The following ASPRV1 variants were observed in gnomAD, a reference collection of about 807,000 sequenced individuals.
ASPRV1 encodes the protein aspartic peptidase retroviral like 1.
A neutral mutation model predicts 11.0 loss-of-function variants in ASPRV1; 7 were observed. The observed-to-expected ratio is 0.64, with a 90% CI of 0.36 to 1.20. The LOEUF is 1.20. ASPRV1 is among the 50% of genes most tolerant of loss of function. The pLI is 0.02. For missense variants in ASPRV1, 299 were observed against 320.0 expected, an observed-to-expected ratio of 0.93 and a Z score of 0.50; for synonymous variants, 136 against 138.4, an observed-to-expected ratio of 0.98 and a Z score of 0.12.
chr2:69,967,249 C>G, the ASPRV1 span, among the ~76,000 whole-genome samples: 1 of 152,232 alleles, frequency 6.6e-6, no homozygotes, highest in African/African-American at 2.4e-5. Flanking sequence ...CAGACTCCAA[C>G]CTAGCTACTC....
At chr2:70,004,444 C>T in the ASPRV1 span, among the ~76,000 whole-genome samples, 2 of 149,336 alleles carry the variant, frequency 1.3e-5, no homozygotes, top group Admixed American at 6.8e-5. Flanking sequence ...GCAGGGGAAT[C>T]GCTTGAACCT....
chr2:70,068,231 C>G, the ASPRV1 span, among the ~76,000 whole-genome samples: 2 of 152,314 alleles, frequency 1.3e-5, no homozygotes, highest in East Asian at 3.9e-4. Context: ...TCCTGGCCAG[C>G]AGAAATTTCA....
chr2:70,013,922 T>C, the ASPRV1 span, among the ~76,000 whole-genome samples: 1,630 of 152,320 alleles, frequency 0.011, 30 homozygotes, highest in African/African-American at 0.037. Context: ...TATGTTCACA[T>C]GTAATGGATT....
chr2:70,048,214 G>T, the ASPRV1 span, among the ~76,000 whole-genome samples: 1 of 148,298 alleles, frequency 6.7e-6, no homozygotes, highest in Non-Finnish European at 1.5e-5. Context: ...AGGAGATCGA[G>T]ACCATCCTGG....
At chr2:69,996,450 T>A in the ASPRV1 span, among the ~76,000 whole-genome samples, 12 of 152,148 alleles carry the variant, frequency 7.9e-5, no homozygotes, top group Middle Eastern at 3.2e-3. Context: ...TCAGTCACAC[T>A]GGACACATCT....
At chr2:69,935,496 T>C in the ASPRV1 span, 1 of 1,451,428 alleles carries the variant, frequency 6.9e-7, no homozygotes, top group Non-Finnish European at 9.7e-7. Context: ...CTGCTTTATC[T>C]TTACCTGTTC....
chr2:69,982,036 T>TATCCATCCATCCATCC, the ASPRV1 span, among the ~76,000 whole-genome samples: 1 of 149,024 alleles, frequency 6.7e-6, no homozygotes, highest in African/African-American at 2.5e-5. Flanking sequence ...CCCTCTCATC[T>TATCCATCCATCCATCC]ATCCATCCAT....
the ASPRV1 span, among the ~76,000 whole-genome samples, chr2:70,011,144 C>CA: frequency 9.0e-4 from 135 of 150,770 alleles, no homozygotes; most frequent in African/African-American, 3.2e-3. Flanking sequence ...GGGAAAGGAG[C>CA]AAAAAAAATA....
At chr2:70,022,368 C>G in the ASPRV1 span, among the ~76,000 whole-genome samples, 1 of 110,080 alleles carries the variant, frequency 9.1e-6, no homozygotes, top group African/African-American at 4.8e-5. Flanking sequence ...CACTTACACA[C>G]ACACACACAC....
chr2:70,071,413 T>C, the ASPRV1 span, among the ~76,000 whole-genome samples: 6 of 152,196 alleles, frequency 3.9e-5, no homozygotes, highest in Admixed American at 2.0e-4. Context: ...ATGTGGAAGA[T>C]GTATTACATT....
chr2:70,044,279 G>A, the ASPRV1 span, among the ~76,000 whole-genome samples: 2 of 152,084 alleles, frequency 1.3e-5, no homozygotes, highest in East Asian at 1.9e-4. Flanking sequence ...GTTTTTGAGG[G>A]GCAGGACACA....
chr2:69,969,799 T>C, the ASPRV1 span, among the ~76,000 whole-genome samples: 2 of 152,150 alleles, frequency 1.3e-5, no homozygotes, highest in Non-Finnish European at 2.9e-5. Flanking sequence ...CCTGAAGCCT[T>C]GACCTCCCGG....
the ASPRV1 span, among the ~76,000 whole-genome samples, chr2:69,947,526 G>T: frequency 6.6e-6 from 1 of 152,208 alleles, no homozygotes; most frequent in East Asian, 1.9e-4. Context: ...TTTCCCCTTA[G>T]TCTCTTCTCT....
At chr2:69,985,682 C>G in the ASPRV1 span, among the ~76,000 whole-genome samples, 1 of 152,170 alleles carries the variant, frequency 6.6e-6, no homozygotes, top group Non-Finnish European at 1.5e-5. Context: ...GCATATGGGG[C>G]ACTGACTTCC....
the ASPRV1 span, among the ~76,000 whole-genome samples, chr2:70,026,388 A>C: frequency 1.3e-5 from 2 of 151,888 alleles, no homozygotes; most frequent in Admixed American, 1.3e-4. Context: ...AAAAAAAAAG[A>C]AATAAAGGGC....
At chr2:70,081,476 A>G in the ASPRV1 span, 1 of 149,794 alleles carries the variant, frequency 6.7e-6, no homozygotes, top group East Asian at 1.9e-4. Context: ...TCCTGGTGAC[A>G]CAGCAAGACT....
the ASPRV1 span, chr2:70,048,812 T>G: frequency 6.6e-6 from 1 of 152,244 alleles, no homozygotes; most frequent in African/African-American, 2.4e-5. Context: ...TCTCTTCTAG[T>G]TTCTGGTGGT....
chr2:70,072,850 G>A, the ASPRV1 span, among the ~76,000 whole-genome samples: 4 of 148,414 alleles, frequency 2.7e-5, no homozygotes, highest in Non-Finnish European at 5.9e-5. Flanking sequence ...CCAGGAATTC[G>A]AGACCAGTCT....
At chr2:69,995,897 T>A in the ASPRV1 span, among the ~76,000 whole-genome samples, 1 of 152,132 alleles carries the variant, frequency 6.6e-6, no homozygotes, top group Non-Finnish European at 1.5e-5. Context: ...TTCTACTTGA[T>A]GCCTGCTTTT....
Sources: allele counts gnomAD v4.1 joint callset (sites outside exome capture counted in the v4.1 genomes callset), GRCh38; gene constraint gnomAD v4.1.1; transcripts MANE v1.5; gene names NCBI Gene and HGNC (gene_info 2026-07-23, HGNC 2026-07-21).